Variants in SEMA6D observed in about 807,000 individuals in gnomAD.
SEMA6D encodes semaphorin 6D.
In SEMA6D, 35 loss-of-function variants were observed where a neutral mutation model predicts 106.6. The observed-to-expected ratio is 0.33, with a 90% CI of 0.25 to 0.44. The LOEUF (loss-of-function observed/expected upper bound fraction) is 0.44. SEMA6D is among the 20% of genes least tolerant of loss of function. SEMA6D has a pLI of 1.00. For synonymous variants in SEMA6D, 499 were observed against 487.7 expected (o/e 1.02, Z -0.31); for missense variants, 1,185 against 1,345.9 (o/e 0.88, Z 1.87).
intron 3 of SEMA6D, among the ~76,000 whole-genome samples, chr15:47,583,432 C>A (rs562523076): frequency 6.6e-6 from 1 of 152,270 alleles, no homozygotes; most frequent in African/African-American, 2.4e-5. Context: ...AGGATGTTCT[C>A]TGGGGATTCT....
intron 4 of SEMA6D, among the ~76,000 whole-genome samples, chr15:47,678,008 A>G (rs2078278812): frequency 6.6e-6 from 1 of 152,222 alleles, no homozygotes; most frequent in Non-Finnish European, 1.5e-5. Flanking sequence ...ATCCTTTCTC[A>G]ACAAGAACCA....
intron 1 of SEMA6D, among the ~76,000 whole-genome samples, chr15:47,400,502 A>T (rs1272447130): frequency 6.6e-6 from 1 of 151,918 alleles, no homozygotes; most frequent in Non-Finnish European, 1.5e-5. Flanking sequence ...AAAAAAAAAA[A>T]ATCCTTCCTA....
intron 3 of SEMA6D, among the ~76,000 whole-genome samples, chr15:47,519,037 C>A (rs2044483643): frequency 6.6e-6 from 1 of 151,616 alleles, no homozygotes. Flanking sequence ...CCAGCCTGGC[C>A]AACATGGTGA....
chr15:47,368,042 A>C (rs913486725), intron 1 of SEMA6D, among the ~76,000 whole-genome samples: 1 of 152,132 alleles, frequency 6.6e-6, no homozygotes, highest in African/African-American at 2.4e-5. Flanking sequence ...TAGTAGAAGA[A>C]CAAGCCTTTT....
At chr15:47,529,613 A>AC (rs1381210623) in intron 3 of SEMA6D, among the ~76,000 whole-genome samples, 3 of 151,250 alleles carry the variant, frequency 2.0e-5, no homozygotes, top group Non-Finnish European at 2.9e-5. Flanking sequence ...TAAAAAAAAA[A>AC]AAAAAAACAA....
chr15:47,384,626 C>T (rs1281803467), intron 1 of SEMA6D, among the ~76,000 whole-genome samples: 3 of 152,086 alleles, frequency 2.0e-5, no homozygotes, highest in South Asian at 2.1e-4. Context: ...GAGCTCCAAA[C>T]GCCTACACGC....
intron 3 of SEMA6D, among the ~76,000 whole-genome samples, chr15:47,475,281 T>A (rs1364150120): frequency 6.6e-6 from 1 of 152,228 alleles, no homozygotes; most frequent in Admixed American, 6.5e-5. Context: ...TTTACATTTA[T>A]AATTTTATTG....
chr15:47,715,075 G>A (rs1016214802), upstream of SEMA6D, among the ~76,000 whole-genome samples: 3 of 152,184 alleles, frequency 2.0e-5, no homozygotes, highest in Admixed American at 1.3e-4. Flanking sequence ...GTGGGATGAG[G>A]CAAGTTTTGA....
At chr15:47,683,436 C>T (rs371835838) in intron 4 of SEMA6D, among the ~76,000 whole-genome samples, 1 of 151,978 alleles carries the variant, frequency 6.6e-6, no homozygotes, top group South Asian at 2.1e-4. Flanking sequence ...AGATTTCCAC[C>T]GAAAAGCGCT....
chr15:47,649,140 A>G (rs2077636285), intron 4 of SEMA6D, among the ~76,000 whole-genome samples: 1 of 152,210 alleles, frequency 6.6e-6, no homozygotes, highest in South Asian at 2.1e-4. Context: ...ATGTCTGTTT[A>G]TAATGGCATA....
chr15:47,592,371 C>A (rs1251434952), intron 3 of SEMA6D, among the ~76,000 whole-genome samples: 2 of 152,152 alleles, frequency 1.3e-5, no homozygotes, highest in Non-Finnish European at 2.9e-5. Flanking sequence ...CAGTACCTAA[C>A]ATATGAATTT....
At chr15:47,437,421 G>A (rs1042761163) in intron 2 of SEMA6D, among the ~76,000 whole-genome samples, 1 of 152,080 alleles carries the variant, frequency 6.6e-6, no homozygotes, top group Admixed American at 6.6e-5. Context: ...TCATCTACAA[G>A]CATGTCAGAA....
chr15:47,294,287 A>G (rs12438424), intron 1 of SEMA6D, among the ~76,000 whole-genome samples: 11,420 of 151,584 alleles, frequency 0.075, 1,397 homozygotes, highest in East Asian at 0.61. Flanking sequence ...GCAGTGGTGC[A>G]ATCTCAGCTC....
At chr15:47,701,426 G>A (rs567229643) in intron 4 of SEMA6D, among the ~76,000 whole-genome samples, 9 of 152,052 alleles carry the variant, frequency 5.9e-5, no homozygotes, top group Admixed American at 3.9e-4. Flanking sequence ...GGAGGAATAC[G>A]TTCACTATAT....
At chr15:47,200,875 T>C (rs981309939) in intron 1 of SEMA6D, among the ~76,000 whole-genome samples, 2 of 152,230 alleles carry the variant, frequency 1.3e-5, no homozygotes, top group Admixed American at 6.5e-5. Flanking sequence ...TCATTCTTCA[T>C]TGATTTAGAA....
chr15:47,752,901 T>C (rs928336866), intron 1 of SEMA6D, among the ~76,000 whole-genome samples: 4 of 151,588 alleles, frequency 2.6e-5, no homozygotes, highest in South Asian at 4.2e-4. Flanking sequence ...ACCAGCTACT[T>C]TGGAGGCTGA....
chr15:47,547,877 A>G (rs545147932), intron 3 of SEMA6D, among the ~76,000 whole-genome samples: 1 of 152,324 alleles, frequency 6.6e-6, no homozygotes, highest in East Asian at 1.9e-4. Context: ...CTAAGCAGAT[A>G]CAGAAGAAAA....
intron 1 of SEMA6D, among the ~76,000 whole-genome samples, chr15:47,289,308 C>G (rs529020380): frequency 6.6e-4 from 98 of 148,844 alleles, no homozygotes; most frequent in Non-Finnish European, 1.1e-3. Context: ...GCAGGAGAAT[C>G]GCTCGAACCT....
In SEMA6D at chr15:47,771,644, A is replaced by G; in HGVS notation, c.3081A>G (p.Arg1027=). The G allele has an allele frequency of 6.2e-7, 1 of 1,614,094 alleles. No homozygotes were observed. Among genetic ancestry groups the G allele is most frequent in the Non-Finnish European group, 8.5e-7 (1 of 1,179,968 alleles). ...VSVHLQPSLS[R]QSSYTSNGTL... is the part of the protein sequence containing the mutation. ...TTCATCTGCAGCCTTCCCTCTCCAG[A>G]CAGAGCAGCTACACCAGTAATGGCA... Residue 1027 remains arginine (R), a synonymous_variant, in exon 19 of 19, where the codon AGA becomes AGG. Coordinates refer to ENST00000536845, the MANE Select transcript of SEMA6D (RefSeq NM_001358351.3).
Sources: gnomAD v4.1 joint callset for allele counts (sites outside exome capture counted in the v4.1 genomes callset) on GRCh38, gnomAD v4.1.1 for gene constraint, MANE v1.5 for transcripts, NCBI Gene and HGNC (gene_info 2026-07-23, HGNC 2026-07-21) for gene names.